AIG1: variants seen among roughly 807,000 people sequenced by gnomAD.
AIG1 encodes androgen induced 1.
AIG1 carries 23 observed loss-of-function variants against 31.4 expected under a neutral mutation model. The observed-to-expected ratio is 0.73, with a 90% CI of 0.53 to 1.04. The LOEUF is 1.04. Among genes scored for constraint, AIG1 ranks in the 50% least tolerant of loss-of-function variants. AIG1 has a pLI of 0.00. For synonymous variants in AIG1, 100 were observed against 110.5 expected (o/e 0.90, Z 0.60); for missense variants, 274 against 295.0 (o/e 0.93, Z 0.52).
At chr6:143,262,738 T>G (rs1290704392) in intron 3 of AIG1, among the ~76,000 whole-genome samples, 1 of 152,040 alleles carries the variant, frequency 6.6e-6, no homozygotes. Context: ...GGGAAGATCT[T>G]AAAAAGACTT....
At chr6:143,319,412 G>A (rs1776024102) in intron 4 of AIG1, among the ~76,000 whole-genome samples, 1 of 152,180 alleles carries the variant, frequency 6.6e-6, no homozygotes, top group Non-Finnish European at 1.5e-5. Flanking sequence ...ACTGATAAGT[G>A]GGAGCTAAGC....
intron 3 of AIG1, among the ~76,000 whole-genome samples, chr6:143,260,087 G>C (rs890539928): frequency 6.9e-6 from 1 of 144,244 alleles, no homozygotes; most frequent in African/African-American, 2.6e-5. Context: ...GCAGTGGTGC[G>C]ATCTCGGCTC....
chr6:143,217,507 A>G (rs1000042624), intron 3 of AIG1, among the ~76,000 whole-genome samples: 7 of 152,102 alleles, frequency 4.6e-5, no homozygotes, highest in African/African-American at 1.4e-4. Context: ...TTATGGTTAT[A>G]TCTTTCCACA....
intron 1 of AIG1, among the ~76,000 whole-genome samples, chr6:143,091,260 C>T (rs1003720858): frequency 2.6e-5 from 4 of 152,202 alleles, no homozygotes; most frequent in African/African-American, 9.7e-5. Flanking sequence ...GAATTGACTT[C>T]TTCCAAACTC....
At chr6:143,148,100 T>TC (rs1372567363) in intron 2 of AIG1, among the ~76,000 whole-genome samples, 1 of 152,056 alleles carries the variant, frequency 6.6e-6, no homozygotes, top group African/African-American at 2.4e-5. Context: ...ACCCTAACAC[T>TC]CCAACTAACG....
At chr6:143,206,935 A>C (rs1358955860) in intron 3 of AIG1, among the ~76,000 whole-genome samples, 2 of 152,182 alleles carry the variant, frequency 1.3e-5, no homozygotes, top group Non-Finnish European at 2.9e-5. Context: ...GATAAAATAG[A>C]AGGCATTTCT....
intron 3 of AIG1, among the ~76,000 whole-genome samples, chr6:143,179,506 C>G (rs987803588): frequency 6.6e-6 from 1 of 152,150 alleles, no homozygotes; most frequent in Non-Finnish European, 1.5e-5. Flanking sequence ...AACTGCCCAG[C>G]ACAAAATTAG....
rs1292054128 is a variant in AIG1, at chr6:143,268,055, T to C, written c.400-16055T>C. Among the ~76,000 whole-genome samples the C allele has an allele frequency of 6.6e-6, 1 of 152,228 alleles. No homozygotes were observed. The highest frequency in any genetic ancestry group is 2.4e-5 in the African/African-American group (1 of 41,468). On this transcript the variant is annotated intron_variant, in intron 3 of 5. Coordinates refer to ENST00000357847, the MANE Select transcript of AIG1 (RefSeq NM_016108.4). The surrounding 1 kb of genome is among the most constrained non-coding windows in gnomAD (Gnocchi z 5.0). ...TGTTGTAATACTGTTGATCTCATGCTGATCTGAAGCTGGCCAAAATATATA... is the reference window on the plus strand; with the variant it reads ...TGTTGTAATACTGTTGATCTCATGCCGATCTGAAGCTGGCCAAAATATATA...
At chr6:143,183,681 T>C (rs1788957409) in intron 3 of AIG1, among the ~76,000 whole-genome samples, 1 of 152,204 alleles carries the variant, frequency 6.6e-6, no homozygotes, top group East Asian at 1.9e-4. Flanking sequence ...ATAAGTTATA[T>C]TCAGATAGTT....
intron 3 of AIG1, among the ~76,000 whole-genome samples, chr6:143,253,255 CT>C (rs1377119099): frequency 6.6e-6 from 1 of 152,146 alleles, no homozygotes; most frequent in East Asian, 1.9e-4. Flanking sequence ...GGGTCATGTT[CT>C]AAAAATTTCT....
At chr6:143,071,025 A>G (rs1037683818) in intron 1 of AIG1, among the ~76,000 whole-genome samples, 2 of 152,244 alleles carry the variant, frequency 1.3e-5, no homozygotes, top group Non-Finnish European at 2.9e-5. Context: ...TAAAACAGTA[A>G]AGTTATAGAA....
chr6:143,182,545 G>A (rs767435844), intron 3 of AIG1, among the ~76,000 whole-genome samples: 2 of 151,972 alleles, frequency 1.3e-5, no homozygotes, highest in Non-Finnish European at 2.9e-5. Flanking sequence ...CCTACCCCGA[G>A]CAGCCAATTA....
At chr6:143,211,586 A>G (rs1791592437) in intron 3 of AIG1, among the ~76,000 whole-genome samples, 1 of 152,132 alleles carries the variant, frequency 6.6e-6, no homozygotes, top group African/African-American at 2.4e-5. Context: ...AGGAGTCTAA[A>G]CAATTTTTAA....
intron 4 of AIG1, among the ~76,000 whole-genome samples, chr6:143,295,536 A>C (rs1020970089): frequency 2.0e-5 from 3 of 152,192 alleles, no homozygotes; most frequent in Non-Finnish European, 4.4e-5. Context: ...TGTCAAAAGC[A>C]ATAAGCTTCA....
chr6:143,126,970 A>G (rs1188760545), intron 1 of AIG1, among the ~76,000 whole-genome samples: 1 of 152,190 alleles, frequency 6.6e-6, no homozygotes, highest in Non-Finnish European at 1.5e-5. Flanking sequence ...CTATATAGAT[A>G]CTATAGTCCC....
chr6:143,148,800 A>G (rs1479487402), intron 2 of AIG1, among the ~76,000 whole-genome samples: 1 of 152,036 alleles, frequency 6.6e-6, no homozygotes, highest in African/African-American at 2.4e-5. Flanking sequence ...CCTGGGCAAC[A>G]AGAGCATGAC....
At chr6:143,214,643 C>A (rs879804472) in intron 3 of AIG1, among the ~76,000 whole-genome samples, 1 of 152,172 alleles carries the variant, frequency 6.6e-6, no homozygotes, top group Admixed American at 6.5e-5. Context: ...CAGATTAGTC[C>A]TATCACTTCT....
intron 3 of AIG1, among the ~76,000 whole-genome samples, chr6:143,236,286 G>A (rs191629728): frequency 7.0e-4 from 106 of 152,322 alleles, no homozygotes; most frequent in Non-Finnish European, 1.1e-3. Flanking sequence ...TCAGCCCAGC[G>A]GGGCAGGGCC....
chr6:143,085,217 T>C (rs912472192), intron 1 of AIG1, among the ~76,000 whole-genome samples: 2 of 152,082 alleles, frequency 1.3e-5, no homozygotes, highest in East Asian at 3.9e-4. Flanking sequence ...CTTAGGGGTG[T>C]TTTTGCCTTG....
Sources: allele counts gnomAD v4.1 joint callset (sites outside exome capture counted in the v4.1 genomes callset), GRCh38; gene constraint gnomAD v4.1.1; non-coding constraint Gnocchi (gnomAD v3.1); transcripts MANE v1.5; gene names NCBI Gene and HGNC (gene_info 2026-07-23, HGNC 2026-07-21).